Variants in DPP6 observed in about 807,000 individuals in gnomAD.
DPP6 encodes A-type potassium channel modulatory protein DPP6.
Under a neutral mutation model 122.6 loss-of-function variants are expected in DPP6, and 69 were observed. That is an observed-to-expected ratio of 0.56 (90% CI 0.46 to 0.69). The LOEUF is 0.69. Among genes scored for constraint, DPP6 ranks in the 30% least tolerant of loss-of-function variants. The pLI is 0.00. For synonymous variants in DPP6, 418 were observed against 433.1 expected, an observed-to-expected ratio of 0.97 and a Z score of 0.43; for missense variants, 928 against 1,116.9, an observed-to-expected ratio of 0.83 and a Z score of 2.41.
rs553673141 is a variant in DPP6, at chr7:154,481,684, G to C, written c.457+6647G>C. 6.6e-6 allele frequency among the ~76,000 whole-genome samples: 1 copy of C among 152,072 alleles called. No homozygotes were observed. Among genetic ancestry groups the C allele is most frequent in the South Asian group, 2.1e-4 (1 of 4,812 alleles). On this transcript the variant is annotated intron_variant, in intron 3 of 25. Coordinates refer to ENST00000377770, the MANE Select transcript of DPP6 (RefSeq NM_130797.4). This position sits in a 1 kb window ranked among gnomAD's most constrained non-coding sequence, Gnocchi z 4.2. ...TTCCCCCAGAGTGGCTCTTACATAG[G>C]ATGTTCCTTCTGTCCAGCCCACTCG...
At chr7:153,941,190 G>A (rs1250439813) in intron 1 of DPP6, among the ~76,000 whole-genome samples, 1 of 152,214 alleles carries the variant, frequency 6.6e-6, no homozygotes, top group African/African-American at 2.4e-5. Flanking sequence ...GCAGTGGCTA[G>A]CACAAAAATG....
At chr7:154,564,358 T>C (rs1208374492) in intron 4 of DPP6, among the ~76,000 whole-genome samples, 1 of 151,972 alleles carries the variant, frequency 6.6e-6, no homozygotes, top group Non-Finnish European at 1.5e-5. Context: ...ATAGTAAGGA[T>C]CAAATGTATC....
intron 8 of DPP6, among the ~76,000 whole-genome samples, chr7:154,766,450 G>A (rs1323130614): frequency 1.3e-5 from 2 of 152,144 alleles, no homozygotes; most frequent in Non-Finnish European, 2.9e-5. Context: ...GAGTAGCTGG[G>A]ATTACAGGTG....
At chr7:154,455,897 GA>G (rs763339918) in intron 2 of DPP6, among the ~76,000 whole-genome samples, 13 of 152,150 alleles carry the variant, frequency 8.5e-5, no homozygotes, top group Non-Finnish European at 1.9e-4. Context: ...GTTTCCTCTG[GA>G]GTCTCTTGCC....
chr7:154,309,196 G>A (rs1024851137), intron 1 of DPP6, among the ~76,000 whole-genome samples: 3 of 152,304 alleles, frequency 2.0e-5, no homozygotes, highest in East Asian at 1.9e-4. Flanking sequence ...TTGGTTATAT[G>A]TTCAGTCACA....
chr7:154,714,014 C>T (rs1388728115), intron 7 of DPP6, among the ~76,000 whole-genome samples: 4 of 152,200 alleles, frequency 2.6e-5, no homozygotes, highest in African/African-American at 4.8e-5. Context: ...ATTTGAAGTT[C>T]CACAGATCTC....
At chr7:154,677,375 A>C (rs1224135548) in intron 7 of DPP6, among the ~76,000 whole-genome samples, 2 of 150,474 alleles carry the variant, frequency 1.3e-5, no homozygotes, top group Admixed American at 6.6e-5. Flanking sequence ...AGATTCAAGA[A>C]AATTGGAGTT....
chr7:154,771,123 C>A (rs1161322933), intron 9 of DPP6, among the ~76,000 whole-genome samples: 2 of 152,210 alleles, frequency 1.3e-5, no homozygotes, highest in Admixed American at 6.5e-5. Context: ...TCCCCACAGA[C>A]CAGCTGGCTT....
chr7:153,781,712 C>T, the DPP6 span, among the ~76,000 whole-genome samples: 1,878 of 151,740 alleles, frequency 0.012, 37 homozygotes, highest in African/African-American at 0.043. Flanking sequence ...TTGAGGGTAC[C>T]GTGAAAGATT....
Position 154,262,655 on chromosome 7 carries a change from CAAA to C in DPP6, c.244-183544_244-183542del, listed in dbSNP as rs200633251. 3.4e-3 allele frequency among the ~76,000 whole-genome samples: 441 copies of C among 129,264 alleles called. 4 individuals carry two copies. Among genetic ancestry groups the C allele is most frequent in the Middle Eastern group, 0.017 (4 of 240 alleles). The allele number at this position is 129,264 out of a possible 152,430, so 84.8% of individuals were successfully genotyped here. A position where few individuals can be genotyped will look rare whatever the true frequency, so the allele number is the denominator to read the frequency against. On this transcript the variant is annotated intron_variant, in intron 1 of 25. Coordinates refer to ENST00000377770, the MANE Select transcript of DPP6 (RefSeq NM_130797.4). ...ATGTTAGAAAGTGTCAAATGAAGTT[CAAA>C]AAAAAAAAAAAAAAGACTAGAGACT... is the stretch of plus-strand genomic sequence containing the variant.
chr7:154,889,814 A>G, intron 25 of DPP6: 2 of 453,658 alleles, frequency 4.4e-6, no homozygotes, highest in Non-Finnish European at 7.8e-6. Flanking sequence ...GGGCAGTGAG[A>G]AGAACCAAGC....
At chr7:154,211,136 T>G (rs1414777393) in intron 1 of DPP6, among the ~76,000 whole-genome samples, 2 of 152,250 alleles carry the variant, frequency 1.3e-5, no homozygotes, top group East Asian at 1.9e-4. Flanking sequence ...CCAGTTGTCT[T>G]AGGAAAGCAA....
chr7:154,076,022 G>A (rs1411624112), intron 1 of DPP6, among the ~76,000 whole-genome samples: 4 of 151,400 alleles, frequency 2.6e-5, no homozygotes, highest in African/African-American at 9.7e-5. Flanking sequence ...TTATAATCCA[G>A]TTATCTGTCC....
chr7:153,778,335 A>G, the DPP6 span, among the ~76,000 whole-genome samples: 2 of 152,184 alleles, frequency 1.3e-5, no homozygotes, highest in East Asian at 3.9e-4. Context: ...AAATATATAC[A>G]TATATATGCA....
At chr7:154,716,547 C>T (rs75944076) in intron 7 of DPP6, among the ~76,000 whole-genome samples, 6,481 of 152,196 alleles carry the variant, frequency 0.043, 397 homozygotes, top group East Asian at 0.24. Flanking sequence ...TAGTTTACTG[C>T]CCCTTTATAT....
chr7:154,247,045 G>C (rs1802025825), intron 1 of DPP6, among the ~76,000 whole-genome samples: 1 of 152,214 alleles, frequency 6.6e-6, no homozygotes, highest in African/African-American at 2.4e-5. Context: ...AGGTGCAGTG[G>C]CTCACGCCTG....
chr7:154,887,849 TCACCAG>T, intron 23 of DPP6, 115 bp downstream of exon 23: 1 of 1,226,544 alleles, frequency 8.2e-7, no homozygotes. Context: ...TGCTTCTCCC[TCACCAG>T]CACCAAAGCC....
chr7:154,126,961 G>C (rs1013786550), intron 1 of DPP6, among the ~76,000 whole-genome samples: 13 of 152,094 alleles, frequency 8.5e-5, no homozygotes, highest in Non-Finnish European at 1.5e-4. Context: ...TTCAAAGTCT[G>C]TTTTGCTCTT....
chr7:154,549,379 C>A (rs1030687289), intron 4 of DPP6, among the ~76,000 whole-genome samples: 1 of 152,196 alleles, frequency 6.6e-6, no homozygotes, highest in Admixed American at 6.5e-5. Flanking sequence ...AAAATGCCTA[C>A]GTGCAAGACA....
Sources: gnomAD v4.1 joint callset for allele counts (sites outside exome capture counted in the v4.1 genomes callset) on GRCh38, gnomAD v4.1.1 for gene constraint, Gnocchi (gnomAD v3.1) non-coding constraint, MANE v1.5 for transcripts, NCBI Gene and HGNC (gene_info 2026-07-23, HGNC 2026-07-21) for gene names.